Variants in AMBRA1 observed in about 807,000 individuals in gnomAD.
AMBRA1 encodes the protein autophagy and beclin 1 regulator 1.
In AMBRA1, 47 loss-of-function variants were observed where a neutral mutation model predicts 125.4. The observed-to-expected ratio is 0.37, with a 90% CI of 0.30 to 0.48. The LOEUF is 0.48. Ranked by LOEUF, AMBRA1 falls within the 20% of genes least tolerant of loss-of-function variation. The pLI is 0.99. For synonymous variants in AMBRA1, 626 were observed against 655.5 expected (o/e 0.95, Z 0.69); for missense variants, 1,331 against 1,693.4 (o/e 0.79, Z 3.76).
rs747027675 is a variant in AMBRA1 at position 46,542,269 on chromosome 11, C to T, written c.1748G>A (p.Arg583His). ...GTAGTTAGGTGTGGTTCTTTCCCAG[C>T]GCAGGGTATCGTTGTTGAAGGTCAG... ...NLLTFNNDTL[R>H]WERTTPNYSS... The change falls in exon 7 of 18, where the codon CGC (arginine) becomes CAC (histidine). Residue 583 changes from arginine to histidine, a missense_variant. This residue lies in a region of AMBRA1 where 689 missense variants were observed against 776.5 expected (regional missense o/e 0.89). Transcript: ENST00000683756. The surrounding 1 kb of genome is among the most constrained non-coding windows in gnomAD (Gnocchi z 5.9). 59 of 1,613,924 alleles carry T rather than the reference C, an allele frequency of 3.7e-5. No homozygotes were observed. The highest frequency in any genetic ancestry group is 1.6e-4 in the Middle Eastern group (1 of 6,084).
chr11:46,559,988 A>G (rs1476078518), intron 1 of AMBRA1, among the ~76,000 whole-genome samples: 1 of 152,258 alleles, frequency 6.6e-6, no homozygotes, highest in Non-Finnish European at 1.5e-5. Context: ...TGTGATAAAC[A>G]GAAGTTCACA....
rs138306661 is a variant in AMBRA1, at chr11:46,450,565, G to A, written c.2522-6967C>T. On this transcript the variant is annotated intron_variant, in intron 11 of 17. Coordinates refer to ENST00000683756, the MANE Select transcript of AMBRA1 (RefSeq NM_001387011.1). ...GATGATCCTCCCACCTCAGCCTCCC[G>A]AGTAGCTGGGGCTACAGGTGTGTGC... is the stretch of plus-strand genomic sequence containing the variant. 1.5e-3 allele frequency among the ~76,000 whole-genome samples: 222 copies of A among 151,876 alleles called. 2 individuals carry two copies. Among genetic ancestry groups the A allele is most frequent in the Admixed American group, 3.3e-3 (50 of 15,248 alleles).
intron 5 of AMBRA1, 144 bp from the exon 6 acceptor site, chr11:46,544,185 T>C: frequency 1.6e-6 from 1 of 622,100 alleles, no homozygotes; most frequent in Non-Finnish European, 2.8e-6. Flanking sequence ...CTTCCAAAAC[T>C]TTCAAAGAGA....
intron 7 of AMBRA1, among the ~76,000 whole-genome samples, chr11:46,518,794 A>C (rs939054507): frequency 2.0e-5 from 3 of 152,378 alleles, no homozygotes; most frequent in African/African-American, 7.2e-5. Context: ...CTCTGCTAAA[A>C]TCATAATAGG....
chr11:46,565,257 T>TAA (rs554319934), intron 1 of AMBRA1, among the ~76,000 whole-genome samples: 1 of 143,386 alleles, frequency 7.0e-6, no homozygotes, highest in African/African-American at 2.6e-5. Flanking sequence ...AAATTCCCTC[T>TAA]AAAAAAAAAA....
chr11:46,554,822 G>C (rs1186708096), intron 1 of AMBRA1, among the ~76,000 whole-genome samples: 1 of 152,172 alleles, frequency 6.6e-6, no homozygotes, highest in Non-Finnish European at 1.5e-5. Flanking sequence ...AAAGCAGACT[G>C]AGACAAAGGT....
chr11:46,432,512 T>C (rs767665001), intron 14 of AMBRA1, among the ~76,000 whole-genome samples: 1 of 152,206 alleles, frequency 6.6e-6, no homozygotes, highest in South Asian at 2.1e-4. Flanking sequence ...TTGTATATAA[T>C]GGGTGCTATC....
At chr11:46,428,034 A>C (rs1265602238) in intron 14 of AMBRA1, among the ~76,000 whole-genome samples, 2 of 148,268 alleles carry the variant, frequency 1.3e-5, no homozygotes, top group Non-Finnish European at 3.0e-5. Context: ...AAAAAAAAGT[A>C]ACAAATATGC....
chr11:46,457,923 G>C (rs977282454), intron 11 of AMBRA1, among the ~76,000 whole-genome samples: 1 of 142,258 alleles, frequency 7.0e-6, no homozygotes, highest in Admixed American at 7.0e-5. Context: ...AAAAAAAAAA[G>C]ACATTCCACC....
intron 2 of AMBRA1, 40 bp downstream of exon 2, chr11:46,548,206 C>T (rs767634929): frequency 1.9e-6 from 3 of 1,613,050 alleles, no homozygotes; most frequent in African/African-American, 1.3e-5. Flanking sequence ...TCTACCATCA[C>T]CAGCACAAAT....
chr11:46,542,959 T>G lies in AMBRA1; in HGVS notation c.1058A>C (p.Glu353Ala). Residue 353 changes from glutamate to alanine, a missense_variant, in exon 7 of 18, where the codon GAG (glutamate) becomes GCG (alanine). Transcript: ENST00000683756. This position sits in a 1 kb window ranked among gnomAD's most constrained non-coding sequence, Gnocchi z 5.9. ...GTCCTGCTGCGTTGACGAGGCCTGCTCCGGGGGATGGAAGGGCTCGGTCTG... is the reference window on the plus strand; with the variant it reads ...GTCCTGCTGCGTTGACGAGGCCTGCGCCGGGGGATGGAAGGGCTCGGTCTG... The part of the protein sequence containing the change: ...FVQTEPFHPP[E>A]QASSTQQDQG... The G allele has an allele frequency of 6.2e-7, 1 of 1,606,288 alleles. No individual in the cohort carries two copies. The highest frequency in any genetic ancestry group is 1.7e-4 in the Middle Eastern group (1 of 6,060).
chr11:46,493,412 G>T (rs564916869), intron 11 of AMBRA1, among the ~76,000 whole-genome samples, 196 bp downstream of exon 11: 2 of 152,258 alleles, frequency 1.3e-5, no homozygotes, highest in Admixed American at 1.3e-4. Context: ...TGGGAATAGG[G>T]TAAGAGAAAC....
At position 46,397,733 on chromosome 11, in the gene AMBRA1, G is replaced by A. The variant is rs1297931853; in HGVS notation, c.3614C>T (p.Ser1205Leu). Residue 1205 changes from serine to leucine, a missense_variant, in exon 18 of 18, where the codon TCA becomes TTA. Ser to Leu is a moderately radical substitution (Grantham distance 145). Transcript: ENST00000683756. ...TCCCCGAGAGGTGGAGGGCTGGGGT[G>A]AGGAGGTGTGGGCGGCACCAGGTTC... ...GTEPGAAHTS[S>L]PQPSTSRGLL... is the part of the protein sequence containing the mutation. 2 of 1,612,880 alleles carry A rather than the reference G, an allele frequency of 1.2e-6. No homozygotes were observed. The highest frequency in any genetic ancestry group is 1.7e-5 in the Admixed American group (1 of 59,992).
At chr11:46,537,220 C>A (rs1042548734) in intron 7 of AMBRA1, among the ~76,000 whole-genome samples, 2 of 152,158 alleles carry the variant, frequency 1.3e-5, no homozygotes, top group African/African-American at 2.4e-5. Context: ...TAAGAGTTAA[C>A]TGAAAAGTTC....
chr11:46,514,100 AG>A (rs1331684826), intron 7 of AMBRA1, among the ~76,000 whole-genome samples: 1 of 152,200 alleles, frequency 6.6e-6, no homozygotes, highest in Non-Finnish European at 1.5e-5. Context: ...TGCCTTTCCT[AG>A]GAACAGGTCC....
In AMBRA1 at chr11:46,578,539, T is replaced by C. The variant is rs187509618; in HGVS notation, c.-121+15289A>G. Among the ~76,000 whole-genome samples the C allele has an allele frequency of 2.7e-5, 4 of 150,852 alleles. No individual in the cohort carries two copies. The East Asian group carries it at 5.9e-4, about 22-fold the overall frequency. ...AGCCAAAATGTTTATTATTATCATA[T>C]AAATATGGCTAATTAGACTCTGGGC... is the stretch of plus-strand genomic sequence containing the variant. On this transcript the variant is annotated intron_variant, in intron 1 of 17. Transcript: ENST00000683756.
intron 1 of AMBRA1, among the ~76,000 whole-genome samples, chr11:46,560,286 T>C (rs1187389724): frequency 6.6e-6 from 1 of 152,218 alleles, no homozygotes; most frequent in Non-Finnish European, 1.5e-5. Context: ...GACCTCTGTA[T>C]AGGATATATC....
intron 11 of AMBRA1, among the ~76,000 whole-genome samples, chr11:46,482,950 A>G (rs538729902): frequency 5.5e-4 from 84 of 151,682 alleles, no homozygotes; most frequent in African/African-American, 2.0e-3. Context: ...CGGAGGTTGC[A>G]GTGAGCCGAG....
intron 5 of AMBRA1, 117 bp downstream of exon 5, chr11:46,545,486 AG>A: frequency 1.6e-6 from 2 of 1,225,454 alleles, no homozygotes; most frequent in East Asian, 4.9e-5. Context: ...AGGAGCTATG[AG>A]GATGACAACT....
Sources: allele counts gnomAD v4.1 joint callset (sites outside exome capture counted in the v4.1 genomes callset), GRCh38; gene constraint gnomAD v4.1.1; regional missense constraint gnomAD v4.1.1; non-coding constraint Gnocchi (gnomAD v3.1); transcripts MANE v1.5; gene names NCBI Gene and HGNC (gene_info 2026-07-23, HGNC 2026-07-21).